FIP1L1: variants seen among roughly 807,000 people sequenced by gnomAD.
FIP1L1 encodes the protein factor interacting with PAPOLA and CPSF1.
In FIP1L1, 21 loss-of-function variants were observed where a neutral mutation model predicts 84.6. That is an observed-to-expected ratio of 0.25 (90% CI 0.18 to 0.36). The LOEUF is 0.36. Among genes scored for constraint, FIP1L1 ranks in the 10% least tolerant of loss-of-function variants. The pLI is 1.00. For missense variants in FIP1L1, 526 were observed against 751.1 expected, an observed-to-expected ratio of 0.70 and a Z score of 3.50; for synonymous variants, 263 against 242.3, an observed-to-expected ratio of 1.09 and a Z score of -0.80.
intron 4 of FIP1L1, among the ~76,000 whole-genome samples, chr4:53,383,383 C>A (rs998262695): frequency 2.0e-5 from 3 of 152,104 alleles, no homozygotes; most frequent in African/African-American, 7.2e-5. Flanking sequence ...AGAGTGGGGC[C>A]GGGCATGGTG....
At chr4:53,421,845 A>G (rs1762538786) in intron 11 of FIP1L1, among the ~76,000 whole-genome samples, 1 of 152,228 alleles carries the variant, frequency 6.6e-6, no homozygotes, top group South Asian at 2.1e-4. Flanking sequence ...TTGCATCTAT[A>G]CATATCTATT....
intron 13 of FIP1L1, among the ~76,000 whole-genome samples, chr4:53,435,212 T>A (rs1768594297): frequency 6.6e-6 from 1 of 152,216 alleles, no homozygotes; most frequent in African/African-American, 2.4e-5. Context: ...TAAATAGAAT[T>A]TTCTGGCACA....
intron 9 of FIP1L1, among the ~76,000 whole-genome samples, chr4:53,398,268 C>T (rs949487436): frequency 3.9e-5 from 6 of 152,130 alleles, no homozygotes; most frequent in South Asian, 2.1e-4. Context: ...GCCTTAGTGC[C>T]GATTCTCATC....
At chr4:53,432,354 C>T (rs1767059105) in intron 13 of FIP1L1, among the ~76,000 whole-genome samples, 1 of 125,330 alleles carries the variant, frequency 8.0e-6, no homozygotes, top group Non-Finnish European at 1.6e-5. Context: ...GCCGAGATCA[C>T]ACCATTGCAC....
chr4:53,420,844 A>G (rs557927236), intron 11 of FIP1L1, among the ~76,000 whole-genome samples: 1 of 152,288 alleles, frequency 6.6e-6, no homozygotes, highest in Non-Finnish European at 1.5e-5. Context: ...TCTTATGTTG[A>G]TGGATATGAC....
chr4:53,458,591 G>C lies in FIP1L1; in HGVS notation c.1500-62G>C, dbSNP rs950849852. The C allele has an allele frequency of 4.5e-6, 7 of 1,559,228 alleles. No homozygotes were observed. In the Admixed American group the frequency reaches 1.1e-4, roughly 24 times the overall value. On this transcript the variant is annotated intron_variant, in intron 16 of 17. Transcript: ENST00000337488. ...GACTGCAGATCACATCTCTTTTACA[G>C]TTTGAATCCATTCAGAATTAATGGT...
chr4:53,391,897 C>G (rs902535301), intron 9 of FIP1L1, among the ~76,000 whole-genome samples: 5 of 152,188 alleles, frequency 3.3e-5, no homozygotes, highest in African/African-American at 9.7e-5. Context: ...CTGTTTATCT[C>G]TATGACACTT....
At position 53,379,209 on chromosome 4, in the gene FIP1L1, T is replaced by G; in HGVS notation, c.131-16T>G. On this transcript the variant is annotated splice_polypyrimidine_tract_variant and intron_variant, in intron 2 of 17. Coordinates refer to ENST00000337488, the MANE Select transcript of FIP1L1 (RefSeq NM_030917.4). ...TTTGTTTGCTTATTTATTTATTTGT[T>G]TATTTTACTTGGTAGATGAAAATGA... The G allele has an allele frequency of 1.2e-6, 2 of 1,606,642 alleles. No homozygotes were observed. Among genetic ancestry groups the G allele is most frequent in the Non-Finnish European group, 1.7e-6 (2 of 1,177,770 alleles).
chr4:53,395,890 G>C (rs1203751646), intron 9 of FIP1L1, among the ~76,000 whole-genome samples: 1 of 151,008 alleles, frequency 6.6e-6, no homozygotes, highest in Non-Finnish European at 1.5e-5. Context: ...ACCCTGAGTA[G>C]GCCTTAATTG....
chr4:53,459,474 AT>A lies in FIP1L1; in HGVS notation c.*27del. 6.2e-7 allele frequency: 1 copy of A among 1,613,180 alleles called. No individual in the cohort carries two copies. Among genetic ancestry groups the A allele is most frequent in the East Asian group, 2.2e-5 (1 of 44,868 alleles). The stretch of plus-strand genomic sequence containing the variant: ...GGCATGGTTTTGGCCTTTTGTGTAT[AT>A]TAGTACCAGAAGTAGATACTATAAA... On this transcript the variant is annotated 3_prime_UTR_variant, in exon 18 of 18. Transcript: ENST00000337488.
At chr4:53,395,841 A>C (rs186863218) in intron 9 of FIP1L1, among the ~76,000 whole-genome samples, 27 of 152,164 alleles carry the variant, frequency 1.8e-4, no homozygotes, top group Non-Finnish European at 3.8e-4. Flanking sequence ...AACAAATCCT[A>C]TTAGAATAAT....
rs1721475634 is a variant in FIP1L1, at chr4:53,459,849, T to TAA, written c.*401_*402dup. On this transcript the variant is annotated 3_prime_UTR_variant, in exon 18 of 18. Transcript: ENST00000337488. ...CACAAAAGGCAACAAAGGGCCCCTC[T>TAA]AAGGCTTGAGATTAAAACTAGTCTT... The TAA allele has an allele frequency of 4.0e-6, 1 of 250,360 alleles. No individual in the cohort carries two copies. The allele number at this position is 250,360 out of a possible 1,614,324, so 15.5% of individuals were successfully genotyped here.
intron 16 of FIP1L1, among the ~76,000 whole-genome samples, chr4:53,456,519 A>G (rs1719062656): frequency 6.7e-6 from 1 of 148,252 alleles, no homozygotes; most frequent in South Asian, 2.1e-4. Context: ...CAAGTGAAGT[A>G]TAAGTAAAGG....
chr4:53,450,588 G>A (rs1177362253), intron 15 of FIP1L1, among the ~76,000 whole-genome samples: 2 of 152,150 alleles, frequency 1.3e-5, no homozygotes, highest in African/African-American at 2.4e-5. Context: ...GGGAGGCTGA[G>A]GTGGGAAGAT....
At chr4:53,402,133 T>A (rs1293279261) in intron 10 of FIP1L1, among the ~76,000 whole-genome samples, 1 of 152,146 alleles carries the variant, frequency 6.6e-6, no homozygotes, top group Non-Finnish European at 1.5e-5. Context: ...AAATACTAAA[T>A]CCAATTGATT....
At chr4:53,423,162 G>T (rs1474477818) in intron 11 of FIP1L1, among the ~76,000 whole-genome samples, 4 of 152,178 alleles carry the variant, frequency 2.6e-5, no homozygotes, top group Non-Finnish European at 5.9e-5. Context: ...TAACTTCAGA[G>T]ATATTTTTAT....
intron 13 of FIP1L1, among the ~76,000 whole-genome samples, chr4:53,429,162 T>C (rs1765519458): frequency 6.6e-6 from 1 of 152,202 alleles, no homozygotes; most frequent in African/African-American, 2.4e-5. Flanking sequence ...TCATCTTCAG[T>C]GCCTTTGATT....
At position 53,377,656 on chromosome 4, in the gene FIP1L1, G is replaced by A. The variant is rs1468335946; in HGVS notation, c.-183G>A. 2.1e-5 allele frequency: 11 copies of A among 533,122 alleles called. No individual in the cohort carries two copies. Among genetic ancestry groups the A allele is most frequent in the Non-Finnish European group, 2.9e-5 (9 of 312,310 alleles). 33.0% of individuals were successfully genotyped at this position (533,122 alleles called of 1,614,324 possible). A position where few individuals can be genotyped will look rare whatever the true frequency, so the allele number is the denominator to read the frequency against. On this transcript the variant is annotated 5_prime_UTR_variant, in exon 1 of 18. Coordinates refer to ENST00000337488, the MANE Select transcript of FIP1L1 (RefSeq NM_030917.4). ...TGGGTCTCCTGCGCATGCGCAGACGGACCTGCGCTGGAGGCTTCATCTTTG... is the reference window on the plus strand; with the variant it reads ...TGGGTCTCCTGCGCATGCGCAGACGAACCTGCGCTGGAGGCTTCATCTTTG...
chr4:53,379,377 C>A (rs1473289032), intron 3 of FIP1L1, 113 bp downstream of exon 3: 13 of 911,588 alleles, frequency 1.4e-5, no homozygotes, highest in South Asian at 8.7e-5. Flanking sequence ...CACTGACTTA[C>A]AACATTTTGG....
Sources: gnomAD v4.1 joint callset for allele counts (sites outside exome capture counted in the v4.1 genomes callset) on GRCh38, gnomAD v4.1.1 for gene constraint, MANE v1.5 for transcripts, NCBI Gene and HGNC (gene_info 2026-07-23, HGNC 2026-07-21) for gene names.